Variants in PCDHGB5 observed in about 807,000 individuals in gnomAD.
PCDHGB5 encodes the protein protocadherin gamma-B5.
Under a neutral mutation model 62.9 loss-of-function variants are expected in PCDHGB5, and 48 were observed. The ratio of observed to expected loss-of-function variants is 0.76; its 90% confidence interval spans 0.61 to 0.97. The LOEUF is 0.97. PCDHGB5 is among the 50% of genes least tolerant of loss of function. The probability of loss-of-function intolerance (pLI) is 0.00; values close to 1 mark genes in which losing one functional copy is unlikely to be tolerated. For synonymous variants in PCDHGB5, 474 were observed against 511.2 expected, an observed-to-expected ratio of 0.93 and a Z score of 0.98; for missense variants, 1,118 against 1,198.6, an observed-to-expected ratio of 0.93 and a Z score of 0.99.
chr5:141,414,576 G>A, intron 1 of PCDHGB5: 1 of 1,613,898 alleles, frequency 6.2e-7, no homozygotes, highest in Non-Finnish European at 8.5e-7. Context: ...ATATCCCAGA[G>A]AACAACGCCA....
rs2154576188 is a variant in PCDHGB5 at position 141,477,933 on chromosome 5, T to C, written c.2398-16874T>C. ...GCGGATGCAGGGCACAATGCCTGGCTCTCCTACAGTCTCTTGGGATCCCCT... is the reference window on the plus strand; with the variant it reads ...GCGGATGCAGGGCACAATGCCTGGCCCTCCTACAGTCTCTTGGGATCCCCT... On this transcript the variant is annotated intron_variant, in intron 1 of 3. Coordinates refer to ENST00000617380, the MANE Select transcript of PCDHGB5 (RefSeq NM_018925.3). The surrounding 1 kb of genome is among the most constrained non-coding windows in gnomAD (Gnocchi z 4.9). 1.2e-6 allele frequency: 2 copies of C among 1,614,112 alleles called. No homozygotes were observed. Among genetic ancestry groups the C allele is most frequent in the Non-Finnish European group, 1.7e-6 (2 of 1,180,022 alleles).
chr5:141,409,018 G>T lies in PCDHGB5; in HGVS notation c.2397+8494G>T, dbSNP rs369210340. The T allele has an allele frequency of 4.0e-5, 64 of 1,613,814 alleles. No individual in the cohort carries two copies. The Admixed American group carries it at 1.1e-3, about 27-fold the overall frequency. ...TGACAGCCACTGACCAGGATGAGGG[G>T]GTCAATGCTGAGATAAACTACTACT... On this transcript the variant is annotated intron_variant, in intron 1 of 3. Transcript: ENST00000617380.
At chr5:141,468,960 T>TC (rs1562019766) in intron 1 of PCDHGB5, among the ~76,000 whole-genome samples, 1 of 151,348 alleles carries the variant, frequency 6.6e-6, no homozygotes, top group African/African-American at 2.4e-5. Flanking sequence ...TGGTTTTTTT[T>TC]ACCTTAGGCT....
chr5:141,459,545 T>G (rs534173050), intron 1 of PCDHGB5, among the ~76,000 whole-genome samples: 81 of 152,348 alleles, frequency 5.3e-4, no homozygotes, highest in South Asian at 1.0e-3. Context: ...TTTTTTTATT[T>G]CTCTTGGATA....
Position 141,491,648 on chromosome 5 carries a change from T to A in PCDHGB5, c.2398-3159T>A. 6.2e-7 allele frequency: 1 copy of A among 1,613,834 alleles called. No individual in the cohort carries two copies. Among genetic ancestry groups the A allele is most frequent in the Non-Finnish European group, 8.5e-7 (1 of 1,180,002 alleles). ...GTTCAGCAGCCCACAGCTCTGGCGC[T>A]GGAGCCTGACGCCATCCGGTCCCGC... On this transcript the variant is annotated intron_variant, in intron 1 of 3. Transcript: ENST00000617380. This position sits in a 1 kb window ranked among gnomAD's most constrained non-coding sequence, Gnocchi z 6.9.
At chr5:141,408,059 C>T in intron 1 of PCDHGB5, 1 of 1,317,324 alleles carries the variant, frequency 7.6e-7, no homozygotes, top group Non-Finnish European at 1.0e-6. Flanking sequence ...AGCCTCCCGG[C>T]TGCGCAGACC....
intron 1 of PCDHGB5, among the ~76,000 whole-genome samples, chr5:141,459,111 A>G (rs2098961190): frequency 1.3e-5 from 2 of 152,218 alleles, no homozygotes; most frequent in Non-Finnish European, 2.9e-5. Flanking sequence ...CATTTTGACA[A>G]TTGTTTACAT....
chr5:141,462,122 C>T (rs1437400069), intron 1 of PCDHGB5, among the ~76,000 whole-genome samples: 1 of 152,044 alleles, frequency 6.6e-6, no homozygotes, highest in South Asian at 2.1e-4. Context: ...TGCACCCAGT[C>T]CAATTTTTTG....
Position 141,439,149 on chromosome 5 carries a change from C to T in PCDHGB5, c.2397+38625C>T, listed in dbSNP as rs543388568. Reference sequence around the variant, plus strand: ...CAGAGGTTGCAGTGAGCTGAGATCACGCCACTGCACTCCAGCCTGGGCGAC... The same window carrying T: ...CAGAGGTTGCAGTGAGCTGAGATCATGCCACTGCACTCCAGCCTGGGCGAC... On this transcript the variant is annotated intron_variant, in intron 1 of 3. Transcript: ENST00000617380. Among the ~76,000 whole-genome samples, 165 of 150,018 alleles carry T rather than the reference C, an allele frequency of 1.1e-3. 1 individual carries two copies. In the Middle Eastern group the frequency reaches 0.017, roughly 16 times the overall value.
chr5:141,477,268 C>A lies in PCDHGB5; in HGVS notation c.2398-17539C>A, dbSNP rs2099408532. On this transcript the variant is annotated intron_variant, in intron 1 of 3. Transcript: ENST00000617380. This position sits in a 1 kb window ranked among gnomAD's most constrained non-coding sequence, Gnocchi z 4.9. ...TGACTGACCTGGATGCTGGCGAGAA[C>A]GGGCTGGTGACCTGCGAAGTTCCAC... 1.2e-6 allele frequency: 2 copies of A among 1,614,078 alleles called. No individual in the cohort carries two copies. Among genetic ancestry groups the A allele is most frequent in the Non-Finnish European group, 1.7e-6 (2 of 1,180,038 alleles).
chr5:141,414,067 C>G (rs998058224), intron 1 of PCDHGB5: 1 of 1,607,570 alleles, frequency 6.2e-7, no homozygotes, highest in Non-Finnish European at 8.5e-7. Flanking sequence ...GAAGTTCCAA[C>G]TAAACAAATA....
At chr5:141,430,595 G>C (rs549786394) in intron 1 of PCDHGB5, 1 of 567,016 alleles carries the variant, frequency 1.8e-6, no homozygotes. Flanking sequence ...CCTTGCACGC[G>C]CCTGAAGCAC....
Position 141,489,090 on chromosome 5 carries a change from C to CCAA in PCDHGB5, c.2398-5717_2398-5716insCAA, listed in dbSNP as rs2099682444. 1 of 328,824 alleles carries CCAA rather than the reference C, an allele frequency of 3.0e-6. No individual in the cohort carries two copies. Among genetic ancestry groups the CCAA allele is most frequent in the Admixed American group, 6.1e-5 (1 of 16,500 alleles). The allele number at this position is 328,824 out of a possible 1,614,324, so 20.4% of individuals were successfully genotyped here. ...CCTGCCCACCCCCGCCACTCGGTGA[C>CCAA]TAAGAACTGCTGCAAGCAGGCAAAC... On this transcript the variant is annotated intron_variant, in intron 1 of 3. Transcript: ENST00000617380. This position sits in a 1 kb window ranked among gnomAD's most constrained non-coding sequence, Gnocchi z 4.5.
At chr5:141,410,886 C>A in intron 1 of PCDHGB5, 1 of 290,056 alleles carries the variant, frequency 3.4e-6, no homozygotes, top group Non-Finnish European at 5.6e-6. Flanking sequence ...TGGAGTCTCG[C>A]ACTGTTGCCT....
chr5:141,419,248 AAAC>A (rs1229992972), intron 1 of PCDHGB5: 1 of 1,613,980 alleles, frequency 6.2e-7, no homozygotes, highest in Admixed American at 1.7e-5. Context: ...ACGTGCCAGA[AAAC>A]AACCAGCCGG....
Position 141,486,390 on chromosome 5 carries a change from C to G in PCDHGB5, c.2398-8417C>G. 6.2e-7 allele frequency: 1 copy of G among 1,614,138 alleles called. No individual in the cohort carries two copies. The highest frequency in any genetic ancestry group is 8.5e-7 in the Non-Finnish European group (1 of 1,179,996). Reference sequence around the variant, plus strand: ...AAGTCTGCCTTCAGGAACCAGTTCTCCCTGGTGACTGCTGGACCCTTGGAT... The same window carrying G: ...AAGTCTGCCTTCAGGAACCAGTTCTGCCTGGTGACTGCTGGACCCTTGGAT... On this transcript the variant is annotated intron_variant, in intron 1 of 3. Coordinates refer to ENST00000617380, the MANE Select transcript of PCDHGB5 (RefSeq NM_018925.3). This position sits in a 1 kb window ranked among gnomAD's most constrained non-coding sequence, Gnocchi z 5.0.
intron 1 of PCDHGB5, among the ~76,000 whole-genome samples, chr5:141,482,530 C>CAAAAAAAAAAAAAAAAAAAAAA (rs3074545): frequency 1.3e-5 from 1 of 76,562 alleles, no homozygotes. Context: ...GACAGACATG[C>CAAAAAAAAAAAAAAAAAAAAAA]AAAAAAAAAA....
At chr5:141,427,306 A>G (rs1023837851) in intron 1 of PCDHGB5, 6 of 456,826 alleles carry the variant, frequency 1.3e-5, no homozygotes, top group African/African-American at 1.2e-4. Flanking sequence ...GAGAATGACA[A>G]TGCCCCAGAC....
In PCDHGB5 at chr5:141,486,518, A is replaced by G; in HGVS notation, c.2398-8289A>G. The G allele has an allele frequency of 6.2e-7, 1 of 1,614,132 alleles. No homozygotes were observed. Among genetic ancestry groups the G allele is most frequent in the Non-Finnish European group, 8.5e-7 (1 of 1,179,996 alleles). On this transcript the variant is annotated intron_variant, in intron 1 of 3. Coordinates refer to ENST00000617380, the MANE Select transcript of PCDHGB5 (RefSeq NM_018925.3). The surrounding 1 kb of genome is among the most constrained non-coding windows in gnomAD (Gnocchi z 5.0). ...TATTTTCCTCAATATTTCAGATGTG[A>G]ATGATAATCCACCCTCTTTCTTTCA...
Sources: allele counts gnomAD v4.1 joint callset (sites outside exome capture counted in the v4.1 genomes callset), GRCh38; gene constraint gnomAD v4.1.1; non-coding constraint Gnocchi (gnomAD v3.1); transcripts MANE v1.5; gene names NCBI Gene and HGNC (gene_info 2026-07-23, HGNC 2026-07-21).